The following FRRS1L variants were observed in gnomAD, a reference collection of about 807,000 sequenced individuals.
FRRS1L encodes ferric chelate reductase 1 like.
A neutral mutation model predicts 28.6 loss-of-function variants in FRRS1L; 22 were observed. The ratio of observed to expected loss-of-function variants is 0.77; its 90% CI spans 0.55 to 1.10. FRRS1L has a LOEUF of 1.10. FRRS1L is among the 50% of genes least tolerant of loss of function. The pLI, the probability that FRRS1L is intolerant of heterozygous loss-of-function variation, is 0.00. For synonymous variants in FRRS1L, 158 were observed against 151.4 expected (o/e 1.04, Z -0.32); for missense variants, 380 against 386.9 (o/e 0.98, Z 0.15).
chr9:109,136,930 A>G lies in FRRS1L; in HGVS notation c.*525T>C, dbSNP rs1831119687. 1 of 152,190 alleles carries G rather than the reference A, an allele frequency of 6.6e-6. No homozygotes were observed. The highest frequency in any genetic ancestry group is 6.5e-5 in the Admixed American group (1 of 15,272). 9.4% of individuals were successfully genotyped at this position (152,190 alleles called of 1,614,324 possible). A position where few individuals can be genotyped will look rare whatever the true frequency, so the allele number is the denominator to read the frequency against. ...CACTTCTGCTTTACGGAAATTTGAA[A>G]TTTCTTCTGCCCAAAAGGCTGACTG... is the stretch of plus-strand genomic sequence containing the variant. On this transcript the variant is annotated 3_prime_UTR_variant, in exon 5 of 5. Transcript: ENST00000561981.
intron 1 of FRRS1L, chr9:109,150,002 C>T (rs886792683): frequency 4.2e-5 from 12 of 286,498 alleles, no homozygotes; most frequent in African/African-American, 2.0e-4. Flanking sequence ...CATATAACCA[C>T]GGGCTTACCG....
Position 109,166,924 on chromosome 9 carries a change from T to G in FRRS1L, c.215A>C (p.Asp72Ala). The G allele has an allele frequency of 7.6e-7, 1 of 1,322,450 alleles. No homozygotes were observed. The highest frequency in any genetic ancestry group is 9.8e-7 in the Non-Finnish European group (1 of 1,025,010). The allele number at this position is 1,322,450 out of a possible 1,614,324, so 81.9% of individuals were successfully genotyped here. A position where few individuals can be genotyped will look rare whatever the true frequency, so the allele number is the denominator to read the frequency against. The change falls in exon 1 of 5, where the codon GAC (aspartate) becomes GCC (alanine). Residue 72 changes from aspartate to alanine, a missense_variant. Asp to Ala is a moderately radical substitution (Grantham distance 126). Coordinates refer to ENST00000561981, the MANE Select transcript of FRRS1L (RefSeq NM_014334.4). ...ACCCTCCTCCGACAGGTAGCGCAGG[T>G]CGTAGAACTCCCCCGCGAAGGTGCC... ...SYGTFAGEFY[D>A]LRYLSEEGYP...
Position 109,133,600 on chromosome 9 carries a change from C to T in FRRS1L, c.*3855G>A, listed in dbSNP as rs1412831414. The T allele has an allele frequency of 3.3e-5, 5 of 152,222 alleles. No homozygotes were observed. Among genetic ancestry groups the T allele is most frequent in the Non-Finnish European group, 7.3e-5 (5 of 68,038 alleles). The allele number at this position is 152,222 out of a possible 1,614,324, so 9.4% of individuals were successfully genotyped here. On this transcript the variant is annotated 3_prime_UTR_variant, in exon 5 of 5. Coordinates refer to ENST00000561981, the MANE Select transcript of FRRS1L (RefSeq NM_014334.4). Reference sequence around the variant, plus strand: ...ATTGGATTAAATGGTCTCTAAAGTCCTGGCCAGCACTGGTAATTTATGTCA... The same window carrying T: ...ATTGGATTAAATGGTCTCTAAAGTCTTGGCCAGCACTGGTAATTTATGTCA...
At position 109,141,376 on chromosome 9, in the gene FRRS1L, A is replaced by G. The variant is rs1223241408; in HGVS notation, c.676T>C (p.Tyr226His). ...GCTGGACCCCAAGCAAACAGATAAT[A>G]CCAACTCAAATGCAGATCAACAATT... The part of the protein sequence containing the change: ...ETIVDLHLSW[Y>H]YLFAWGPAIQ... The change falls in exon 4 of 5, where the codon TAT becomes CAT. Residue 226 changes from tyrosine (Y) to histidine (H), a missense_variant. By Grantham distance (83) the Tyr-to-His change is moderately conservative. Coordinates refer to ENST00000561981, the MANE Select transcript of FRRS1L (RefSeq NM_014334.4). 2 of 1,614,196 alleles carry G rather than the reference A, an allele frequency of 1.2e-6. No individual in the cohort carries two copies. The highest frequency in any genetic ancestry group is 1.7e-6 in the Non-Finnish European group (2 of 1,180,026).
At chr9:109,147,620 C>G (rs1222647799) in intron 2 of FRRS1L, 1 of 153,536 alleles carries the variant, frequency 6.5e-6, no homozygotes, top group East Asian at 1.9e-4. Context: ...TGTATACCAA[C>G]TCTTTTTAAC....
intron 3 of FRRS1L, among the ~76,000 whole-genome samples, chr9:109,141,972 G>C (rs986287400): frequency 2.8e-5 from 4 of 144,324 alleles, no homozygotes; most frequent in African/African-American, 1.0e-4. Flanking sequence ...AAAAAAAAAA[G>C]GCTAAGAAAC....
At chr9:109,161,988 TC>T (rs1831485822) in intron 1 of FRRS1L, among the ~76,000 whole-genome samples, 1 of 152,146 alleles carries the variant, frequency 6.6e-6, no homozygotes, top group Admixed American at 6.5e-5. Context: ...CCATATCAGT[TC>T]CAAACTCTTC....
rs953067490 is a variant in FRRS1L, at chr9:109,130,949, A to G, written c.*6506T>C. 1.3e-5 allele frequency: 2 copies of G among 152,254 alleles called. No homozygotes were observed. Among genetic ancestry groups the G allele is most frequent in the African/African-American group, 2.4e-5 (1 of 41,472 alleles). The allele number at this position is 152,254 out of a possible 1,614,324, so 9.4% of individuals were successfully genotyped here. A position where few individuals can be genotyped will look rare whatever the true frequency, so the allele number is the denominator to read the frequency against. ...GCAAATATCCAGGGGAAAACTGAAC[A>G]CATTAATCAAGCAGCAGTGTGTTTT... is the stretch of plus-strand genomic sequence containing the variant. On this transcript the variant is annotated 3_prime_UTR_variant, in exon 5 of 5. Coordinates refer to ENST00000561981, the MANE Select transcript of FRRS1L (RefSeq NM_014334.4).
chr9:109,158,697 C>T (rs1478798554), intron 1 of FRRS1L, among the ~76,000 whole-genome samples: 1 of 152,146 alleles, frequency 6.6e-6, no homozygotes, highest in Non-Finnish European at 1.5e-5. Flanking sequence ...AAATAATATT[C>T]CATTGTATGG....
At chr9:109,149,971 G>A (rs530414403) in intron 1 of FRRS1L, 95 of 402,268 alleles carry the variant, frequency 2.4e-4, no homozygotes, top group Middle Eastern at 2.1e-3. Context: ...GGAACCTGGG[G>A]CACTGAGAGA....
rs79162089 is a variant in FRRS1L at position 109,149,116 on chromosome 9, A to C, written c.323+520T>G. On this transcript the variant is annotated intron_variant, in intron 2 of 4. Transcript: ENST00000561981. ...AGATGGGAGGCCCATTGTCCACATGACTGTTTTCTAGCCCAGCCCGTCATG... is the reference window on the plus strand; with the variant it reads ...AGATGGGAGGCCCATTGTCCACATGCCTGTTTTCTAGCCCAGCCCGTCATG... Among the ~76,000 whole-genome samples the C allele has an allele frequency of 7.2e-5, 11 of 152,286 alleles. No individual in the cohort carries two copies. The East Asian group carries it at 2.1e-3, about 29-fold the overall frequency.
At chr9:109,145,101 C>T (rs989363340) in intron 3 of FRRS1L, among the ~76,000 whole-genome samples, 1 of 152,166 alleles carries the variant, frequency 6.6e-6, no homozygotes, top group Non-Finnish European at 1.5e-5. Context: ...CAGAAACAGC[C>T]ACAAGGGCAA....
intron 3 of FRRS1L, among the ~76,000 whole-genome samples, chr9:109,142,031 A>G (rs1588097279): frequency 6.6e-6 from 1 of 152,136 alleles, no homozygotes; most frequent in African/African-American, 2.4e-5. Flanking sequence ...GTGTTCCTAC[A>G]TAGAAATTTG....
In FRRS1L at chr9:109,167,109, C is replaced by A; in HGVS notation, c.30G>T (p.Gly10=). 3 of 1,174,694 alleles carry A rather than the reference C, an allele frequency of 2.6e-6. No individual in the cohort carries two copies. Among genetic ancestry groups the A allele is most frequent in the Non-Finnish European group, 3.1e-6 (3 of 952,776 alleles). 72.8% of individuals were successfully genotyped at this position (1,174,694 alleles called of 1,614,324 possible). A position where few individuals can be genotyped will look rare whatever the true frequency, so the allele number is the denominator to read the frequency against. The stretch of plus-strand genomic sequence containing the variant: ...GCAGCAGGAGCAGCGACGCCCAGAC[C>A]CCCGGGTGCTGCCGGGGCGGCCGCG... MARPPRQHP[G]VWASLLLLLL... The change falls in exon 1 of 5, where the codon GGG becomes GGT. Residue 10 remains glycine (G), a synonymous_variant. Transcript: ENST00000561981.
In FRRS1L at chr9:109,132,531, C is replaced by T. The variant is rs1448800252; in HGVS notation, c.*4924G>A. On this transcript the variant is annotated 3_prime_UTR_variant, in exon 5 of 5. Transcript: ENST00000561981. ...AATCAACAATAATTTATTTTAAAAG[C>T]AAATTATTCACTAACTTTGATATTC... 3 of 152,040 alleles carry T rather than the reference C, an allele frequency of 2.0e-5. No individual in the cohort carries two copies. Among genetic ancestry groups the T allele is most frequent in the Admixed American group, 1.3e-4 (2 of 15,266 alleles). The allele number at this position is 152,040 out of a possible 1,614,324, so 9.4% of individuals were successfully genotyped here.
At chr9:109,166,863 C>T in intron 1 of FRRS1L, 38 bp downstream of exon 1, 2 of 457,262 alleles carry the variant, frequency 4.4e-6, no homozygotes, top group Non-Finnish European at 5.9e-6. Context: ...CACCCCCGGT[C>T]TCCCCTCCCG....
intron 1 of FRRS1L, among the ~76,000 whole-genome samples, chr9:109,154,530 T>C (rs1343246006): frequency 6.6e-6 from 1 of 152,234 alleles, no homozygotes; most frequent in African/African-American, 2.4e-5. Flanking sequence ...ATGTTTTACA[T>C]GCATTAGACA....
At chr9:109,140,675 A>G (rs1252622923) in intron 4 of FRRS1L, 1 of 152,044 alleles carries the variant, frequency 6.6e-6, no homozygotes, top group Non-Finnish European at 1.5e-5. Context: ...AGTCTCCAGA[A>G]GCCCTTCCTG....
intron 1 of FRRS1L, among the ~76,000 whole-genome samples, chr9:109,162,090 C>T (rs971518212): frequency 2.0e-5 from 3 of 152,174 alleles, no homozygotes; most frequent in Admixed American, 6.5e-5. Flanking sequence ...CCAAGGCAGG[C>T]AGATCTCTTG....
Sources: allele counts gnomAD v4.1 joint callset (sites outside exome capture counted in the v4.1 genomes callset), GRCh38; gene constraint gnomAD v4.1.1; transcripts MANE v1.5; gene names NCBI Gene and HGNC (gene_info 2026-07-23, HGNC 2026-07-21).